Variants in SETBP1 observed in about 807,000 individuals in gnomAD.
SETBP1 encodes the protein SET-binding protein.
A neutral mutation model predicts 101.0 loss-of-function variants in SETBP1; 9 were observed. That is an observed-to-expected ratio of 0.09 (90% CI 0.05 to 0.16). The LOEUF (loss-of-function observed/expected upper bound fraction) is 0.16, where lower values mean the gene tolerates loss of function less well. Ranked by LOEUF, SETBP1 falls within the 10% of genes least tolerant of loss-of-function variation. The pLI is 1.00. For missense variants in SETBP1, 1,858 were observed against 2,033.8 expected, an observed-to-expected ratio of 0.91 and a Z score of 1.66; for synonymous variants, 818 against 788.5, an observed-to-expected ratio of 1.04 and a Z score of -0.63.
At chr18:44,906,803 T>C (rs2070185564) in intron 3 of SETBP1, among the ~76,000 whole-genome samples, 1 of 152,226 alleles carries the variant, frequency 6.6e-6, no homozygotes, top group Non-Finnish European at 1.5e-5. Context: ...CTCATAATTG[T>C]ATGACCTTGA....
intron 3 of SETBP1, among the ~76,000 whole-genome samples, chr18:44,888,082 G>A (rs914618648): frequency 6.6e-6 from 1 of 152,096 alleles, no homozygotes; most frequent in African/African-American, 2.4e-5. Context: ...CAGATGACAG[G>A]CATTCCAAGT....
intron 2 of SETBP1, among the ~76,000 whole-genome samples, chr18:44,744,577 A>G (rs531725475): frequency 1.3e-5 from 2 of 152,344 alleles, no homozygotes; most frequent in Non-Finnish European, 2.9e-5. Context: ...CCCAAGGCCA[A>G]GCGGCACGGT....
intron 2 of SETBP1, among the ~76,000 whole-genome samples, chr18:44,822,538 C>A (rs1323763263): frequency 1.3e-5 from 2 of 152,186 alleles, no homozygotes; most frequent in Non-Finnish European, 2.9e-5. Flanking sequence ...TAGAAATTAA[C>A]CACCTGCCAT....
At chr18:44,720,975 T>C (rs1568108625) in intron 2 of SETBP1, among the ~76,000 whole-genome samples, 1 of 124,878 alleles carries the variant, frequency 8.0e-6, no homozygotes, top group South Asian at 2.7e-4. Context: ...TAGGACATCA[T>C]ACTGCGTCCA....
chr18:44,986,437 A>G (rs2072235419), intron 4 of SETBP1: 1 of 152,196 alleles, frequency 6.6e-6, no homozygotes, highest in Non-Finnish European at 1.5e-5. Flanking sequence ...GCTCTACACT[A>G]AATGTATAAA....
At chr18:44,833,599 A>G (rs561168793) in intron 2 of SETBP1, among the ~76,000 whole-genome samples, 2 of 152,370 alleles carry the variant, frequency 1.3e-5, no homozygotes, top group East Asian at 1.9e-4. Context: ...TGGTCAAGAC[A>G]GAGAGCAATG....
At chr18:45,042,145 GCT>G (rs1374662960) in intron 5 of SETBP1, among the ~76,000 whole-genome samples, 4 of 103,514 alleles carry the variant, frequency 3.9e-5, no homozygotes, top group Admixed American at 1.4e-4. Context: ...TCTTGAAACT[GCT>G]TTTTTTTTTT....
intron 3 of SETBP1, chr18:44,871,207 C>A (rs1329789195): frequency 6.6e-6 from 1 of 152,186 alleles, no homozygotes; most frequent in Non-Finnish European, 1.5e-5. Flanking sequence ...AAAGTTAATT[C>A]TCTAGTGAAA....
At chr18:44,810,206 A>G (rs150226275) in intron 2 of SETBP1, among the ~76,000 whole-genome samples, 1 of 152,318 alleles carries the variant, frequency 6.6e-6, no homozygotes, top group East Asian at 1.9e-4. Flanking sequence ...ACAGGCAGCA[A>G]AGGACAAGGA....
chr18:44,789,168 C>T (rs1295434855), intron 2 of SETBP1, among the ~76,000 whole-genome samples: 2 of 152,006 alleles, frequency 1.3e-5, no homozygotes, highest in South Asian at 2.1e-4. Context: ...CTTTTTGACT[C>T]GTTTTAGTGA....
chr18:44,984,131 G>A (rs2072176464), intron 4 of SETBP1, among the ~76,000 whole-genome samples: 1 of 152,164 alleles, frequency 6.6e-6, no homozygotes, highest in African/African-American at 2.4e-5. Context: ...CACCTGGGAG[G>A]CAGAGGTTGC....
chr18:45,032,306 G>A (rs2073313204), intron 4 of SETBP1, among the ~76,000 whole-genome samples: 1 of 152,064 alleles, frequency 6.6e-6, no homozygotes, highest in South Asian at 2.1e-4. Flanking sequence ...AATTTTATAG[G>A]TGTTTCTGTC....
intron 5 of SETBP1, among the ~76,000 whole-genome samples, chr18:45,048,978 CAAAAAAAAAAA>C (rs71177665): frequency 4.8e-3 from 226 of 46,664 alleles, no homozygotes; most frequent in African/African-American, 0.015. Context: ...GACTCCGTCT[CAAAAAAAAAAA>C]AAAAAAAAAA....
intron 1 of SETBP1, among the ~76,000 whole-genome samples, chr18:44,685,872 A>G (rs754598919): frequency 4.6e-5 from 7 of 152,204 alleles, no homozygotes; most frequent in Non-Finnish European, 7.3e-5. Context: ...GATGCCTACT[A>G]TGCCATGTGC....
chr18:45,028,804 G>A (rs1325740789), intron 4 of SETBP1, among the ~76,000 whole-genome samples: 2 of 152,170 alleles, frequency 1.3e-5, no homozygotes, highest in African/African-American at 2.4e-5. Flanking sequence ...CTGCATAAAT[G>A]TCTTCTTTTG....
At position 44,831,891 on chromosome 18, in the gene SETBP1, T is replaced by C. The variant is rs551423171; in HGVS notation, c.487-37339T>C. On this transcript the variant is annotated intron_variant, in intron 2 of 5. Transcript: ENST00000649279. ...CTGTGCATTCTGCCTTAGGGTGTCC[T>C]TGACCTTCTGTGGGACTGAGTTGTG... is the stretch of plus-strand genomic sequence containing the variant. Among the ~76,000 whole-genome samples, 59 of 152,332 alleles carry C rather than the reference T, an allele frequency of 3.9e-4. 1 individual carries two copies. The highest frequency in any genetic ancestry group is 1.3e-3 in the African/African-American group (56 of 41,580).
intron 5 of SETBP1, among the ~76,000 whole-genome samples, chr18:45,038,902 A>C (rs192504521): frequency 7.2e-5 from 11 of 152,334 alleles, no homozygotes; most frequent in Admixed American, 6.5e-4. Context: ...ATATGGGTCC[A>C]CTGAGTAGCA....
chr18:44,848,926 G>T (rs180732280), intron 2 of SETBP1, among the ~76,000 whole-genome samples: 1 of 152,324 alleles, frequency 6.6e-6, no homozygotes, highest in Non-Finnish European at 1.5e-5. Context: ...ATAGCTGATG[G>T]CCCTGTTGTC....
Position 44,951,464 on chromosome 18 carries a change from A to G in SETBP1, c.2124A>G (p.Lys708=). The G allele has an allele frequency of 6.2e-7, 1 of 1,614,142 alleles. No individual in the cohort carries two copies. Residue 708 remains lysine (K), a synonymous_variant, in exon 4 of 6, where the codon AAA becomes AAG. Coordinates refer to ENST00000649279, the MANE Select transcript of SETBP1 (RefSeq NM_015559.3). This position sits in a 1 kb window ranked among gnomAD's most constrained non-coding sequence, Gnocchi z 7.8. ...TSPGAAAIES[K]LGKQINVSKR... ...CTGGGGCAGCAGCCATTGAAAGCAAACTGGGCAAGCAGATTAATGTCAGCA... is the reference window on the plus strand; with the variant it reads ...CTGGGGCAGCAGCCATTGAAAGCAAGCTGGGCAAGCAGATTAATGTCAGCA...
Sources: allele counts gnomAD v4.1 joint callset (sites outside exome capture counted in the v4.1 genomes callset), GRCh38; gene constraint gnomAD v4.1.1; non-coding constraint Gnocchi (gnomAD v3.1); transcripts MANE v1.5; gene names NCBI Gene and HGNC (gene_info 2026-07-23, HGNC 2026-07-21).